The following FER1L5 variants were observed in gnomAD, a reference collection of about 807,000 sequenced individuals.
The protein encoded by FER1L5 is fer-1 like family member 5, also known as fer-1-like protein 5.
FER1L5 carries 187 observed loss-of-function variants against 279.9 expected under a neutral mutation model. The observed-to-expected ratio is 0.67, with a 90% CI of 0.59 to 0.75. FER1L5 has a LOEUF of 0.75. Ranked by LOEUF, FER1L5 falls within the 30% of genes least tolerant of loss-of-function variation. The pLI is 0.00. For synonymous variants in FER1L5, 921 were observed against 989.7 expected (o/e 0.93, Z 1.30); for missense variants, 2,091 against 2,594.4 (o/e 0.81, Z 4.21).
Position 96,689,227 on chromosome 2 carries a change from C to G in FER1L5, c.2376C>G (p.Ala792=). The stretch of plus-strand genomic sequence containing the variant: ...CCCTCCCCTAGTATGAGAATCAGGC[C>G]AAGTATAAAGACCAGTGGGGGCAGC... The part of the protein sequence containing the change: ...AVYAEMYENQ[A]KYKDQWGQQG... The change falls in exon 25 of 53, where the codon GCC becomes GCG. Residue 792 remains alanine (A), a synonymous_variant. Coordinates refer to ENST00000624922, the MANE Select transcript of FER1L5 (RefSeq NM_001293083.2). This position sits in a 1 kb window ranked among gnomAD's most constrained non-coding sequence, Gnocchi z 4.6. 2 of 1,550,286 alleles carry G rather than the reference C, an allele frequency of 1.3e-6. No individual in the cohort carries two copies. Among genetic ancestry groups the G allele is most frequent in the Non-Finnish European group, 1.7e-6 (2 of 1,146,540 alleles).
intron 42 of FER1L5, 105 bp from the exon 43 acceptor site, chr2:96,699,445 T>C (rs2153307501): frequency 1.5e-6 from 2 of 1,299,540 alleles, no homozygotes; most frequent in East Asian, 2.3e-5. Flanking sequence ...CTCTCCACAA[T>C]CTCCATGAAC....
intron 6 of FER1L5, among the ~76,000 whole-genome samples, chr2:96,650,954 C>T (rs1022679300): frequency 6.6e-6 from 1 of 152,238 alleles, no homozygotes; most frequent in Non-Finnish European, 1.5e-5. Flanking sequence ...CTTCCCTGGA[C>T]CACATCAGAA....
chr2:96,690,680 C>G, intron 27 of FER1L5, 91 bp downstream of exon 27: 2 of 1,200,274 alleles, frequency 1.7e-6, no homozygotes, highest in Non-Finnish European at 2.4e-6. Flanking sequence ...GCCAAGCCCT[C>G]CATGGTATAC....
chr2:96,646,515 G>A (rs1453265266), intron 2 of FER1L5, 62 bp downstream of exon 2: 13 of 1,524,530 alleles, frequency 8.5e-6, no homozygotes, highest in Non-Finnish European at 1.2e-5. Flanking sequence ...GGGCAAGGGT[G>A]GGGTCCAGGA....
intron 10 of FER1L5, 96 bp from the exon 11 acceptor site, chr2:96,661,229 A>G: frequency 1.2e-5 from 10 of 830,888 alleles, no homozygotes; most frequent in African/African-American, 1.7e-5. Flanking sequence ...CCTGAGACCT[A>G]TTTCCACCTT....
chr2:96,666,640 T>G (rs1193564275), intron 14 of FER1L5, among the ~76,000 whole-genome samples: 1 of 151,756 alleles, frequency 6.6e-6, no homozygotes, highest in African/African-American at 2.4e-5. Context: ...ACACATGGAT[T>G]TTTTTCTTTT....
intron 9 of FER1L5, among the ~76,000 whole-genome samples, chr2:96,659,348 TCCTTCCTTCC>T (rs2075770233): frequency 1.2e-5 from 1 of 81,506 alleles, no homozygotes; most frequent in Non-Finnish European, 2.4e-5. Flanking sequence ...CTTCCTTCCT[TCCTTCCTTCC>T]TTCCTTCTTT....
At chr2:96,651,198 C>T (rs2075346618) in intron 6 of FER1L5, among the ~76,000 whole-genome samples, 2 of 152,250 alleles carry the variant, frequency 1.3e-5, no homozygotes, top group African/African-American at 4.8e-5. Flanking sequence ...GATTGTCTGT[C>T]TCCACTGTGG....
At chr2:96,665,792 G>A (rs891761028) in intron 14 of FER1L5, among the ~76,000 whole-genome samples, 1 of 151,942 alleles carries the variant, frequency 6.6e-6, no homozygotes, top group African/African-American at 2.4e-5. Context: ...CACCATGTTG[G>A]CCAGGCTGGT....
Position 96,691,592 on chromosome 2 carries a change from T to G in FER1L5, c.3055T>G (p.Phe1019Val). The part of the protein sequence containing the change: ...PNKDKGIAPI[F>V]LLEGSLAMDL... ...CAAGGACAAGGGCATCGCGCCCATA[T>G]TCCTCCTGGAGGGGTCCTTGGTAAA... Residue 1019 changes from phenylalanine to valine, a missense_variant, in exon 29 of 53, where the codon TTC becomes GTC. Transcript: ENST00000624922. This position sits in a 1 kb window ranked among gnomAD's most constrained non-coding sequence, Gnocchi z 6.0. The G allele has an allele frequency of 6.5e-7, 1 of 1,537,708 alleles. No homozygotes were observed. The highest frequency in any genetic ancestry group is 8.8e-7 in the Non-Finnish European group (1 of 1,140,404).
chr2:96,701,999 G>A lies in FER1L5; in HGVS notation c.5115G>A (p.Gly1705=). 1 of 1,614,000 alleles carries A rather than the reference G, an allele frequency of 6.2e-7. No individual in the cohort carries two copies. The highest frequency in any genetic ancestry group is 8.5e-7 in the Non-Finnish European group (1 of 1,179,884). ...MWVDIFPKKL[G]PPGPQVNINP... ...TGGACATCTTCCCCAAGAAGCTGGG[G>A]CCTCCTGGCCCCCAAGTCAACATCA... Residue 1705 remains glycine (G), a synonymous_variant, in exon 46 of 53, where the codon GGG becomes GGA. Transcript: ENST00000624922.
At chr2:96,651,554 T>G (rs1187207645) in intron 6 of FER1L5, among the ~76,000 whole-genome samples, 1 of 150,562 alleles carries the variant, frequency 6.6e-6, no homozygotes, top group African/African-American at 2.4e-5. Flanking sequence ...CAGGCTGGAG[T>G]GCAGTGGCAC....
rs1291569475 is a variant in FER1L5 at position 96,699,697 on chromosome 2, T to C, written c.4758T>C (p.Cys1586=). ...TCCTATCTGGCTTTGGAGCTCATTG[T>C]GGGCTCTCCAAATCCTACTGCCAGT... ...NRLLSGFGAH[C]GLSKSYCQSG... Residue 1586 remains cysteine, a synonymous_variant, in exon 43 of 53, where the codon TGT becomes TGC. Transcript: ENST00000624922. 9 of 1,613,990 alleles carry C rather than the reference T, an allele frequency of 5.6e-6. No individual in the cohort carries two copies. Among genetic ancestry groups the C allele is most frequent in the Non-Finnish European group, 7.6e-6 (9 of 1,179,878 alleles).
rs1213510202 is a variant in FER1L5 at position 96,695,604 on chromosome 2, G to A, written c.3837G>A (p.Arg1279=). ...GEESLRTEPI[R]DFQTNPNFPE... ...AGTCCCTGAGGACAGAACCCATCAG[G>A]GACTTTCAGACCAACCCCAACTTCC... Residue 1279 remains arginine, a synonymous_variant, in exon 35 of 53, where the codon AGG becomes AGA. Coordinates refer to ENST00000624922, the MANE Select transcript of FER1L5 (RefSeq NM_001293083.2). 1 of 1,602,216 alleles carries A rather than the reference G, an allele frequency of 6.2e-7. No individual in the cohort carries two copies. Among genetic ancestry groups the A allele is most frequent in the Non-Finnish European group, 8.5e-7 (1 of 1,174,644 alleles).
chr2:96,647,019 G>A (rs2075161007), intron 2 of FER1L5, 45 bp from the exon 3 acceptor site: 1 of 1,530,524 alleles, frequency 6.5e-7, no homozygotes, highest in African/African-American at 1.4e-5. Flanking sequence ...AACATGGGAT[G>A]GGAAGGGCAG....
At position 96,660,384 on chromosome 2, in the gene FER1L5, T is replaced by TAAA; in HGVS notation, c.778+14_778+15insAAA. On this transcript the variant is annotated intron_variant, in intron 10 of 52. Transcript: ENST00000624922. Reference sequence around the variant, plus strand: ...TACCATTCTCCAGGTAGGTAATACTTATGGCAAATATGTATGTCTTCTGAG... The same window carrying TAAA: ...TACCATTCTCCAGGTAGGTAATACTTAAAATGGCAAATATGTATGTCTTCTGAG... 1 of 1,551,450 alleles carries TAAA rather than the reference T, an allele frequency of 6.4e-7. No homozygotes were observed. The highest frequency in any genetic ancestry group is 8.7e-7 in the Non-Finnish European group (1 of 1,146,786).
intron 45 of FER1L5, among the ~76,000 whole-genome samples, chr2:96,701,720 G>A (rs537411211): frequency 1.8e-4 from 28 of 152,206 alleles, no homozygotes; most frequent in African/African-American, 6.7e-4. Context: ...CCAGCACCAT[G>A]CCATCAGCCC....
intron 31 of FER1L5, 78 bp from the exon 32 acceptor site, chr2:96,693,428 A>G: frequency 7.1e-7 from 1 of 1,413,538 alleles, no homozygotes; most frequent in Admixed American, 2.5e-5. Flanking sequence ...CACTGGGTCC[A>G]GTGGCTGCAG....
chr2:96,646,755 G>T (rs148056683), intron 2 of FER1L5, among the ~76,000 whole-genome samples: 1 of 152,252 alleles, frequency 6.6e-6, no homozygotes, highest in East Asian at 1.9e-4. Flanking sequence ...CAGAGTGAAG[G>T]CTCCCTGTGC....
Sources: allele counts gnomAD v4.1 joint callset (sites outside exome capture counted in the v4.1 genomes callset), GRCh38; gene constraint gnomAD v4.1.1; non-coding constraint Gnocchi (gnomAD v3.1); transcripts MANE v1.5; gene names NCBI Gene and HGNC (gene_info 2026-07-23, HGNC 2026-07-21).